Variants in AOAH observed in about 807,000 individuals in gnomAD.
AOAH encodes the protein acyloxyacyl hydrolase (neutrophil).
Under a neutral mutation model 92.2 loss-of-function variants are expected in AOAH, and 64 were observed. The ratio of observed to expected loss-of-function variants is 0.69; its 90% CI spans 0.57 to 0.86. The LOEUF (loss-of-function observed/expected upper bound fraction) is 0.86. Ranked by LOEUF, AOAH falls within the 40% of genes least tolerant of loss-of-function variation. The pLI is 0.00. For synonymous variants in AOAH, 263 were observed against 254.5 expected (o/e 1.03, Z -0.32); for missense variants, 656 against 694.6 (o/e 0.94, Z 0.62).
At chr7:36,575,626 AG>A (rs1788441647) in intron 13 of AOAH, among the ~76,000 whole-genome samples, 1 of 152,262 alleles carries the variant, frequency 6.6e-6, no homozygotes, top group African/African-American at 2.4e-5. Flanking sequence ...AAGTGTTCTT[AG>A]CACTTGGTAA....
chr7:36,604,513 T>C (rs1409107622), intron 11 of AOAH, among the ~76,000 whole-genome samples: 1 of 152,190 alleles, frequency 6.6e-6, no homozygotes, highest in Non-Finnish European at 1.5e-5. Context: ...TAGTCTCTGT[T>C]GCAGCCTGGT....
At chr7:36,641,695 A>C (rs1325671591) in intron 4 of AOAH, among the ~76,000 whole-genome samples, 1 of 152,124 alleles carries the variant, frequency 6.6e-6, no homozygotes, top group Non-Finnish European at 1.5e-5. Context: ...ACTCCCATGC[A>C]TACATTTCGC....
At chr7:36,592,473 T>C (rs1164785023) in intron 12 of AOAH, among the ~76,000 whole-genome samples, 2 of 152,222 alleles carry the variant, frequency 1.3e-5, no homozygotes, top group Non-Finnish European at 1.5e-5. Flanking sequence ...TCTTGGTTCT[T>C]AGTCATTTCT....
intron 9 of AOAH, among the ~76,000 whole-genome samples, chr7:36,619,172 C>T (rs190427946): frequency 1.2e-4 from 19 of 152,290 alleles, no homozygotes; most frequent in African/African-American, 4.6e-4. Context: ...CATGAAAGAA[C>T]CTATTAACAT....
intron 13 of AOAH, among the ~76,000 whole-genome samples, chr7:36,553,906 G>T (rs1336980411): frequency 1.7e-4 from 26 of 150,462 alleles, no homozygotes; most frequent in Admixed American, 2.7e-4. Context: ...TGAGTAGGTT[G>T]GGAAAATTTT....
At chr7:36,608,753 G>A (rs1216698721) in intron 11 of AOAH, among the ~76,000 whole-genome samples, 1 of 152,184 alleles carries the variant, frequency 6.6e-6, no homozygotes, top group Non-Finnish European at 1.5e-5. Context: ...TATCAGTAGG[G>A]TGGCCAGACA....
intron 1 of AOAH, among the ~76,000 whole-genome samples, chr7:36,718,593 T>C (rs745735332): frequency 1.3e-5 from 2 of 152,186 alleles, no homozygotes; most frequent in African/African-American, 4.8e-5. Context: ...AAACCAAGTA[T>C]GTCCATACAA....
intron 11 of AOAH, among the ~76,000 whole-genome samples, chr7:36,607,824 G>A (rs568067634): frequency 9.9e-5 from 15 of 152,258 alleles, no homozygotes; most frequent in African/African-American, 2.9e-4. Flanking sequence ...AGGTACAGTC[G>A]GGTGTGATTG....
At chr7:36,656,878 G>C (rs1373843573) in intron 4 of AOAH, among the ~76,000 whole-genome samples, 1 of 58,250 alleles carries the variant, frequency 1.7e-5, no homozygotes. Flanking sequence ...AAAGAGGTTT[G>C]GTGGGGGGTG....
At chr7:36,718,591 T>C (rs1443395119) in intron 1 of AOAH, among the ~76,000 whole-genome samples, 2 of 152,180 alleles carry the variant, frequency 1.3e-5, no homozygotes, top group Non-Finnish European at 2.9e-5. Flanking sequence ...CAAAACCAAG[T>C]ATGTCCATAC....
chr7:36,625,693 C>T (rs1792614263), intron 6 of AOAH, among the ~76,000 whole-genome samples: 1 of 152,196 alleles, frequency 6.6e-6, no homozygotes, highest in African/African-American at 2.4e-5. Flanking sequence ...TGTCCAGGAA[C>T]AGTTCAGGTG....
rs1381903313 is a variant in AOAH at position 36,614,215 on chromosome 7, G to C, written c.846+2165C>G. 6.6e-6 allele frequency among the ~76,000 whole-genome samples: 1 copy of C among 152,104 alleles called. No individual in the cohort carries two copies. Among genetic ancestry groups the C allele is most frequent in the Non-Finnish European group, 1.5e-5 (1 of 68,022 alleles). ...CTCTAATGGACACGGTGGCTCTTGG[G>C]ACGAGTCTGTTGTGGCACTGCCCCA... On this transcript the variant is annotated intron_variant, in intron 11 of 20. Transcript: ENST00000617537. The surrounding 1 kb of genome is among the most constrained non-coding windows in gnomAD (Gnocchi z 4.2).
intron 2 of AOAH, among the ~76,000 whole-genome samples, chr7:36,676,760 T>C (rs1796278933): frequency 6.6e-6 from 1 of 152,186 alleles, no homozygotes; most frequent in South Asian, 2.1e-4. Flanking sequence ...GACAGACATA[T>C]GGATCAATGA....
chr7:36,593,900 G>C (rs1391884093), intron 12 of AOAH, among the ~76,000 whole-genome samples: 1 of 152,156 alleles, frequency 6.6e-6, no homozygotes, highest in Non-Finnish European at 1.5e-5. Context: ...TAGTGAATTG[G>C]GTTTGTGTGT....
rs982154662 is a variant in AOAH at position 36,513,068 on chromosome 7, G to A, written c.*184C>T. 7.7e-6 allele frequency: 12 copies of A among 1,554,050 alleles called. No individual in the cohort carries two copies. Among genetic ancestry groups the A allele is most frequent in the Middle Eastern group, 1.7e-4 (1 of 6,030 alleles). Reference sequence around the variant, plus strand: ...ACAGCGGAAGGGTTACTGATCCCGGGAGCACACAGCATTGCACAGTCGTCC... The same window carrying A: ...ACAGCGGAAGGGTTACTGATCCCGGAAGCACACAGCATTGCACAGTCGTCC... On this transcript the variant is annotated 3_prime_UTR_variant, in exon 21 of 21. Transcript: ENST00000617537.
At chr7:36,580,651 G>A (rs919926431) in intron 12 of AOAH, among the ~76,000 whole-genome samples, 1 of 152,076 alleles carries the variant, frequency 6.6e-6, no homozygotes, top group African/African-American at 2.4e-5. Context: ...ATGATCCTGG[G>A]TTATAGGCTT....
intron 1 of AOAH, among the ~76,000 whole-genome samples, chr7:36,701,647 A>G (rs1442741453): frequency 1.3e-5 from 2 of 151,736 alleles, no homozygotes; most frequent in African/African-American, 4.8e-5. Context: ...TTTATGATAT[A>G]TGTTTTTCCA....
chr7:36,694,607 T>C (rs753969273), intron 1 of AOAH, among the ~76,000 whole-genome samples: 2 of 152,234 alleles, frequency 1.3e-5, no homozygotes, highest in Non-Finnish European at 2.9e-5. Flanking sequence ...GTGTGCTTTA[T>C]ATACATTTTT....
intron 1 of AOAH, among the ~76,000 whole-genome samples, chr7:36,722,133 C>G (rs1489538634): frequency 6.6e-6 from 1 of 152,146 alleles, no homozygotes; most frequent in Non-Finnish European, 1.5e-5. Flanking sequence ...CTCGGTCACT[C>G]CTACATGGAG....
Sources: gnomAD v4.1 joint callset for allele counts (sites outside exome capture counted in the v4.1 genomes callset) on GRCh38, gnomAD v4.1.1 for gene constraint, Gnocchi (gnomAD v3.1) non-coding constraint, MANE v1.5 for transcripts, NCBI Gene and HGNC (gene_info 2026-07-23, HGNC 2026-07-21) for gene names.